COMMD10: variants seen among roughly 807,000 people sequenced by gnomAD.
COMMD10 encodes COMM domain-containing protein 10.
In COMMD10, 33 loss-of-function variants were observed where a neutral mutation model predicts 28.9. That is an observed-to-expected ratio of 1.14 (90% CI 0.87 to 1.53). The LOEUF (loss-of-function observed/expected upper bound fraction) is 1.53. Among genes scored for constraint, COMMD10 ranks in the 40% most tolerant of loss-of-function variants. The pLI, the probability that COMMD10 is intolerant of heterozygous loss-of-function variation, is 0.00. For synonymous variants in COMMD10, 110 were observed against 81.7 expected, an observed-to-expected ratio of 1.35 and a Z score of -1.87; for missense variants, 310 against 233.4, an observed-to-expected ratio of 1.33 and a Z score of -2.14.
chr5:116,135,820 T>TC (rs1299415249), intron 5 of COMMD10, among the ~76,000 whole-genome samples: 4 of 152,256 alleles, frequency 2.6e-5, no homozygotes, highest in East Asian at 1.9e-4. Context: ...TTGGAATGCA[T>TC]CCCCCCACAG....
intron 5 of COMMD10, among the ~76,000 whole-genome samples, chr5:116,248,185 G>A (rs1202175908): frequency 6.6e-6 from 1 of 151,054 alleles, no homozygotes. Flanking sequence ...ACCAGCATGT[G>A]CTCACATCAG....
At chr5:116,091,053 A>G (rs1400926552) in intron 2 of COMMD10, 26 bp from the exon 3 acceptor site, 3 of 1,411,158 alleles carry the variant, frequency 2.1e-6, no homozygotes, top group South Asian at 1.2e-5. Context: ...ATGTGCTAAT[A>G]TAATAGATTG....
At chr5:116,172,326 G>T (rs891285151) in intron 5 of COMMD10, among the ~76,000 whole-genome samples, 4 of 152,076 alleles carry the variant, frequency 2.6e-5, no homozygotes, top group African/African-American at 9.7e-5. Flanking sequence ...TAGGAGGGAA[G>T]GAGTACTCAG....
chr5:116,206,405 C>A (rs140679510), intron 5 of COMMD10, among the ~76,000 whole-genome samples: 2 of 152,134 alleles, frequency 1.3e-5, no homozygotes, highest in Non-Finnish European at 2.9e-5. Context: ...AATCCCAGCA[C>A]TTTGGGAGGC....
At position 116,225,353 on chromosome 5, in the gene COMMD10, G is replaced by GTTTTTTTTTTTT. The variant is rs143964154; in HGVS notation, c.511-66164_511-66163insTTTTTTTTTTTT. ...AGACTTTCCTGTTTGTTTTTTTGGG[G>GTTTTTTTTTTTT]ATTTTTTTTTTTTTTTTTGCATATG... On this transcript the variant is annotated intron_variant, in intron 5 of 6. Transcript: ENST00000274458. 7.7e-5 allele frequency among the ~76,000 whole-genome samples: 9 copies of GTTTTTTTTTTTT among 116,500 alleles called. 3 individuals carry two copies. Among genetic ancestry groups the GTTTTTTTTTTTT allele is most frequent in the African/African-American group, 1.0e-4 (3 of 29,394 alleles). The allele number at this position is 116,500 out of a possible 152,430, so 76.4% of individuals were successfully genotyped here.
chr5:116,103,489 T>A (rs1363673539), intron 4 of COMMD10, among the ~76,000 whole-genome samples: 1 of 152,246 alleles, frequency 6.6e-6, no homozygotes, highest in Non-Finnish European at 1.5e-5. Context: ...TCTGTTCATA[T>A]CCTTTGCCCA....
At chr5:116,259,180 A>C (rs533587143) in intron 5 of COMMD10, among the ~76,000 whole-genome samples, 3 of 149,486 alleles carry the variant, frequency 2.0e-5, no homozygotes, top group Non-Finnish European at 4.4e-5. Context: ...CTCCCACCTC[A>C]GCCTCCAGAG....
intron 5 of COMMD10, among the ~76,000 whole-genome samples, chr5:116,223,740 A>G (rs1426201503): frequency 6.6e-6 from 1 of 152,190 alleles, no homozygotes; most frequent in Non-Finnish European, 1.5e-5. Context: ...GTATTGTAAG[A>G]TACCCTGAAA....
chr5:116,153,683 A>T (rs1193620128), intron 5 of COMMD10, among the ~76,000 whole-genome samples: 1 of 152,054 alleles, frequency 6.6e-6, no homozygotes, highest in Non-Finnish European at 1.5e-5. Flanking sequence ...CAGCTTAATA[A>T]AGTAGCTACT....
At chr5:116,215,093 T>A (rs1161374682) in intron 5 of COMMD10, among the ~76,000 whole-genome samples, 2 of 152,028 alleles carry the variant, frequency 1.3e-5, no homozygotes. Context: ...ATTGGTTTAG[T>A]TTCTTTTGAG....
At chr5:116,095,007 C>T (rs535790106) in intron 4 of COMMD10, among the ~76,000 whole-genome samples, 35 of 152,184 alleles carry the variant, frequency 2.3e-4, no homozygotes, top group African/African-American at 8.4e-4. Context: ...TCACCAGAGG[C>T]TGAGAAGAAT....
intron 5 of COMMD10, 22 bp downstream of exon 5, chr5:116,134,200 A>T (rs773554933): frequency 7.4e-6 from 10 of 1,354,870 alleles, no homozygotes; most frequent in Admixed American, 3.4e-5. Context: ...TATCCCATTA[A>T]AAGGATGTAT....
intron 5 of COMMD10, among the ~76,000 whole-genome samples, chr5:116,237,469 A>G (rs1344455735): frequency 1.3e-5 from 2 of 152,182 alleles, no homozygotes; most frequent in Non-Finnish European, 2.9e-5. Flanking sequence ...TAAACTTGAA[A>G]AAAAATACTA....
At chr5:116,236,444 C>T (rs953537283) in intron 5 of COMMD10, among the ~76,000 whole-genome samples, 4 of 138,688 alleles carry the variant, frequency 2.9e-5, no homozygotes, top group African/African-American at 1.1e-4. Context: ...GCGGAGGTTG[C>T]GGTGTGCCGA....
intron 5 of COMMD10, among the ~76,000 whole-genome samples, chr5:116,213,711 T>G (rs1419620879): frequency 6.6e-6 from 1 of 152,064 alleles, no homozygotes; most frequent in Non-Finnish European, 1.5e-5. Context: ...TACCATATAT[T>G]TTTTTATTAG....
chr5:116,171,170 T>A (rs1013986797), intron 5 of COMMD10, among the ~76,000 whole-genome samples: 1 of 152,002 alleles, frequency 6.6e-6, no homozygotes, highest in African/African-American at 2.4e-5. Context: ...GGGCAAAGGA[T>A]AGGAACAGAC....
intron 5 of COMMD10, among the ~76,000 whole-genome samples, chr5:116,275,515 C>G (rs1234635208): frequency 2.6e-5 from 4 of 151,436 alleles, no homozygotes; most frequent in Non-Finnish European, 5.9e-5. Context: ...TTATTTGTCT[C>G]TATTGGACTC....
At chr5:116,135,712 T>A (rs1474589430) in intron 5 of COMMD10, among the ~76,000 whole-genome samples, 1 of 152,216 alleles carries the variant, frequency 6.6e-6, no homozygotes, top group East Asian at 1.9e-4. Flanking sequence ...CAGTGCCTAA[T>A]TTATAAATTA....
rs147184376 is a variant in COMMD10 at position 116,231,327 on chromosome 5, A to T, written c.511-60190A>T. 2.3e-3 allele frequency among the ~76,000 whole-genome samples: 354 copies of T among 152,178 alleles called. 2 individuals are homozygous for T. The highest frequency in any genetic ancestry group is 7.5e-3 in the African/African-American group (313 of 41,556). On this transcript the variant is annotated intron_variant, in intron 5 of 6. Transcript: ENST00000274458. ...AGCTTTTTCATGTCAACAAGAGTAC[A>T]TTCTGACTGATTCTATTTATAAAAG... is the stretch of plus-strand genomic sequence containing the variant.
Sources: gnomAD v4.1 joint callset for allele counts (sites outside exome capture counted in the v4.1 genomes callset) on GRCh38, gnomAD v4.1.1 for gene constraint, MANE v1.5 for transcripts, NCBI Gene and HGNC (gene_info 2026-07-23, HGNC 2026-07-21) for gene names.